MCF2: variants seen among roughly 807,000 people sequenced by gnomAD.
MCF2 encodes the protein MCF.2 cell line derived transforming sequence.
In MCF2, 44 loss-of-function variants were observed where a neutral mutation model predicts 82.5. That is an observed-to-expected ratio of 0.53 (90% CI 0.42 to 0.69). The LOEUF (loss-of-function observed/expected upper bound fraction) is 0.69. Among genes scored for constraint, MCF2 ranks in the 30% least tolerant of loss-of-function variants. The pLI is 0.00. For missense variants in MCF2, 623 were observed against 663.1 expected, an observed-to-expected ratio of 0.94 and a Z score of 0.66; for synonymous variants, 217 against 224.9, an observed-to-expected ratio of 0.96 and a Z score of 0.32.
chrX:139,631,996 A>G (rs1280582853), intron 2 of MCF2, among the ~76,000 whole-genome samples: 1 of 111,469 alleles, frequency 9.0e-6, no homozygotes, highest in Non-Finnish European at 1.9e-5. Context: ...CAAATACATA[A>G]AACATACACT....
intron 11 of MCF2, 152 bp from the exon 16 acceptor site, chrX:139,607,931 C>T (rs1206769711): frequency 4.6e-5 from 18 of 394,759 alleles, no homozygotes; most frequent in Admixed American, 1.9e-4. Context: ...AACTTTGATA[C>T]GTACTAGTAA....
intron 1 of MCF2, among the ~76,000 whole-genome samples, chrX:139,698,466 T>C (rs1474819213): frequency 8.9e-6 from 1 of 111,971 alleles, no homozygotes; most frequent in Non-Finnish European, 1.9e-5. Context: ...GAATAGCTTG[T>C]TTCTTTCTGA....
At chrX:139,646,951 A>G, upstream of MCF2, 1 of 724,390 alleles carries the variant, frequency 1.4e-6, no homozygotes, top group Non-Finnish European at 2.0e-6. Flanking sequence ...GTATATAACA[A>G]CGAAGCAAGA....
At chrX:139,659,963 A>T (rs2148538337) in intron 1 of MCF2, among the ~76,000 whole-genome samples, 1 of 112,082 alleles carries the variant, frequency 8.9e-6, no homozygotes, top group Non-Finnish European at 1.9e-5. Flanking sequence ...CAGGGTTGAT[A>T]TTAAAACACT....
At position 139,636,362 on chromosome X, in the gene MCF2, C is replaced by G. The variant is rs145626216; in HGVS notation, c.52-3908G>C. On this transcript the variant is annotated intron_variant, in intron 1 of 24. Transcript: ENST00000370576. ...TCACTTTTAAATGAAATTGAAAGCA[C>G]CCTACTTTTGCCAACATTTAAAGCA... Among the ~76,000 whole-genome samples the G allele has an allele frequency of 2.7e-3, 303 of 111,961 alleles. 2 individuals carry two copies. Among genetic ancestry groups the G allele is most frequent in the African/African-American group, 9.4e-3 (291 of 30,893 alleles).
At chrX:139,635,627 A>C (rs1205692667) in intron 1 of MCF2, among the ~76,000 whole-genome samples, 1 of 110,622 alleles carries the variant, frequency 9.0e-6, no homozygotes, top group East Asian at 2.8e-4. Context: ...ACTGCACTCC[A>C]GCCTGGGCAA....
intron 1 of MCF2, among the ~76,000 whole-genome samples, chrX:139,700,766 A>G (rs1482737747): frequency 8.9e-6 from 1 of 112,430 alleles, no homozygotes; most frequent in African/African-American, 3.2e-5. Context: ...GAAATGGCAG[A>G]TGAAACACAC....
At chrX:139,587,867 T>TCTCA (rs1435869168) in intron 21 of MCF2, 79 bp from the exon 26 acceptor site, 4 of 468,360 alleles carry the variant, frequency 8.5e-6, no homozygotes, top group Admixed American at 6.4e-5. Flanking sequence ...TTTCTCTCTC[T>TCTCA]CACACACACA....
intron 1 of MCF2, among the ~76,000 whole-genome samples, chrX:139,660,217 CAGA>C (rs1365194850): frequency 7.2e-5 from 8 of 111,816 alleles, no homozygotes; most frequent in Non-Finnish European, 1.3e-4. Flanking sequence ...AATCTGTACT[CAGA>C]AGGTTATACC....
intron 2 of MCF2, among the ~76,000 whole-genome samples, chrX:139,649,176 G>A (rs1023440975): frequency 8.9e-6 from 1 of 112,253 alleles, no homozygotes; most frequent in African/African-American, 3.2e-5. Flanking sequence ...TTGAGAGACA[G>A]TATTCATTCC....
At chrX:139,602,579 A>G (rs1930650487) in intron 15 of MCF2, 81 bp from the exon 20 acceptor site, 1 of 648,736 alleles carries the variant, frequency 1.5e-6, no homozygotes, top group East Asian at 3.3e-5. Context: ...ACAAGAGTGT[A>G]ACCAAGCATC....
intron 1 of MCF2, among the ~76,000 whole-genome samples, 170 bp from the exon 5 acceptor site, chrX:139,632,624 T>G (rs1305631330): frequency 9.0e-6 from 1 of 111,272 alleles, no homozygotes; most frequent in Non-Finnish European, 1.9e-5. Context: ...AACATGCAAA[T>G]AGAAAAATAA....
intron 24 of MCF2, 129 bp from the exon 29 acceptor site, chrX:139,582,632 T>C: frequency 2.3e-6 from 1 of 429,641 alleles, no homozygotes. Flanking sequence ...TGTTGCTCTT[T>C]TATATGTTTT....
intron 1 of MCF2, among the ~76,000 whole-genome samples, chrX:139,665,191 A>C (rs1255777282): frequency 9.0e-6 from 1 of 111,504 alleles, no homozygotes; most frequent in East Asian, 2.8e-4. Flanking sequence ...CTGGTGTCTC[A>C]GTAAAGTCAC....
chrX:139,673,106 G>A, intron 1 of MCF2, among the ~76,000 whole-genome samples: 1 of 111,943 alleles, frequency 8.9e-6, no homozygotes, highest in Admixed American at 9.5e-5. Flanking sequence ...TTTGCGTAGA[G>A]GTGCTTGTAG....
chrX:139,643,376 C>T (rs931241020), upstream of MCF2, among the ~76,000 whole-genome samples: 1 of 111,617 alleles, frequency 9.0e-6, no homozygotes, highest in Admixed American at 9.6e-5. Context: ...TTCTGAATGC[C>T]AACTTTTGCA....
intron 1 of MCF2, among the ~76,000 whole-genome samples, chrX:139,662,887 C>A (rs1413343978): frequency 9.0e-6 from 1 of 111,659 alleles, no homozygotes; most frequent in East Asian, 2.8e-4. Flanking sequence ...ATTTAAGTAA[C>A]AACATGCAAT....
At chrX:139,666,374 A>T (rs1456026390) in intron 1 of MCF2, among the ~76,000 whole-genome samples, 2 of 110,853 alleles carry the variant, frequency 1.8e-5, no homozygotes, top group African/African-American at 6.6e-5. Flanking sequence ...TCCCTTGAGC[A>T]TTTCTTTTAG....
In MCF2 at chrX:139,597,661, T is replaced by C. The variant is rs947332639; in HGVS notation, c.1930-76A>G. On this transcript the variant is annotated intron_variant, in intron 17 of 24. Coordinates refer to ENST00000370576, the Ensembl canonical transcript of MCF2. ...GAAATGAATAAGTTTTTGGCTAACA[T>C]GCTTTCAAGCTGGAATCCAAATATA... The C allele has an allele frequency of 7.0e-6, 6 of 858,636 alleles. No individual in the cohort carries two copies. The South Asian group carries it at 1.4e-4, about 20-fold the overall frequency. The allele number at this position is 858,636 out of a possible 1,213,427, so 70.8% of individuals were successfully genotyped here.
Sources: gnomAD v4.1 joint callset for allele counts (sites outside exome capture counted in the v4.1 genomes callset) on GRCh38, gnomAD v4.1.1 for gene constraint, MANE v1.5 for transcripts, NCBI Gene and HGNC (gene_info 2026-07-23, HGNC 2026-07-21) for gene names.